Variants in TCF7L2 observed in about 807,000 individuals in gnomAD.
TCF7L2 encodes the protein transcription factor 7 like 2, also known as transcription factor 7-like 2.
In TCF7L2, 23 loss-of-function variants were observed where a neutral mutation model predicts 77.9. The ratio of observed to expected loss-of-function variants is 0.30; its 90% confidence interval spans 0.21 to 0.42. The LOEUF (loss-of-function observed/expected upper bound fraction) is 0.42, where lower values mean the gene tolerates loss of function less well. TCF7L2 is among the 10% of genes least tolerant of loss of function. The probability of loss-of-function intolerance (pLI) is 1.00; values close to 1 mark genes in which losing one functional copy is unlikely to be tolerated. For missense variants in TCF7L2, 654 were observed against 793.1 expected (o/e 0.82, Z 2.11); for synonymous variants, 413 against 340.2 (o/e 1.21, Z -2.36).
At chr10:113,150,686 A>G (rs2070567024) in intron 8 of TCF7L2, among the ~76,000 whole-genome samples, 1 of 152,220 alleles carries the variant, frequency 6.6e-6, no homozygotes, top group Non-Finnish European at 1.5e-5. Context: ...AAACAAGTGG[A>G]CGTGCGATTT....
At chr10:113,061,742 G>GT (rs2056479703) in intron 5 of TCF7L2, among the ~76,000 whole-genome samples, 1 of 152,280 alleles carries the variant, frequency 6.6e-6, no homozygotes, top group East Asian at 1.9e-4. Flanking sequence ...GAACTGTACA[G>GT]TTCACGTTCT....
At chr10:113,104,749 A>G (rs1485452851) in intron 5 of TCF7L2, among the ~76,000 whole-genome samples, 2 of 152,194 alleles carry the variant, frequency 1.3e-5, no homozygotes, top group East Asian at 3.9e-4. Context: ...CTGCTGTAAC[A>G]TCAGGTGACA....
At chr10:113,155,549 A>T (rs1410044891) in intron 11 of TCF7L2, among the ~76,000 whole-genome samples, 1 of 152,214 alleles carries the variant, frequency 6.6e-6, no homozygotes, top group Non-Finnish European at 1.5e-5. Context: ...AGTAGTCAAC[A>T]TCTCCGTGCT....
rs548891796 is a variant in TCF7L2 at position 113,071,273 on chromosome 10, G to A, written c.552+31147G>A. ...TAGTGGTAGAATGTTTGCTGGGTTAGCCCAGGACTTCAGATGGAGTGCTTC... is the reference window on the plus strand; with the variant it reads ...TAGTGGTAGAATGTTTGCTGGGTTAACCCAGGACTTCAGATGGAGTGCTTC... On this transcript the variant is annotated intron_variant, in intron 5 of 13. Coordinates refer to ENST00000627217, the MANE Select transcript of TCF7L2 (RefSeq NM_001146274.2). 2.7e-3 allele frequency among the ~76,000 whole-genome samples: 405 copies of A among 152,282 alleles called. 1 individual carries two copies. The highest frequency in any genetic ancestry group is 2.6e-3 in the Non-Finnish European group (178 of 68,026).
chr10:113,119,468 G>A (rs1026737513), intron 5 of TCF7L2, among the ~76,000 whole-genome samples: 6 of 152,172 alleles, frequency 3.9e-5, no homozygotes, highest in Non-Finnish European at 8.8e-5. Flanking sequence ...ACTAATATCG[G>A]TCAGGGTCAT....
intron 5 of TCF7L2, among the ~76,000 whole-genome samples, chr10:113,045,486 C>T (rs891969674): frequency 2.0e-5 from 3 of 152,086 alleles, no homozygotes; most frequent in African/African-American, 7.2e-5. Context: ...CAGCTGGGAG[C>T]CCTGGGACCC....
intron 5 of TCF7L2, among the ~76,000 whole-genome samples, chr10:113,045,764 AC>A (rs1049579537): frequency 1.3e-5 from 2 of 151,988 alleles, no homozygotes; most frequent in African/African-American, 4.8e-5. Flanking sequence ...CTGCATATAT[AC>A]TTTGTTTTTA....
In TCF7L2 at chr10:113,115,498, AT is replaced by A. The variant is rs538535120; in HGVS notation, c.553-25683del. Among the ~76,000 whole-genome samples, 542 of 152,274 alleles carry A rather than the reference AT, an allele frequency of 3.6e-3. 2 individuals are homozygous for A. Among genetic ancestry groups the A allele is most frequent in the African/African-American group, 0.013 (528 of 41,552 alleles). ...ATGACAAACCTCTCATTTGTTTGTCATTTAGCCAACATCCTGTGTTCAGGTT... is the reference window on the plus strand; with the variant it reads ...ATGACAAACCTCTCATTTGTTTGTCATTAGCCAACATCCTGTGTTCAGGTT... On this transcript the variant is annotated intron_variant, in intron 5 of 13. Transcript: ENST00000627217.
At chr10:113,099,089 C>T (rs1416233651) in intron 5 of TCF7L2, among the ~76,000 whole-genome samples, 1 of 152,162 alleles carries the variant, frequency 6.6e-6, no homozygotes, top group Non-Finnish European at 1.5e-5. Flanking sequence ...GTTGGATTTT[C>T]TATTCTTCAT....
In TCF7L2 at chr10:113,151,872, C is replaced by T. The variant is rs2137155367; in HGVS notation, c.1149C>T (p.Ile383=). Residue 383 remains isoleucine, a synonymous_variant, in exon 10 of 14, where the codon ATC becomes ATT. Transcript: ENST00000627217. The surrounding 1 kb of genome is among the most constrained non-coding windows in gnomAD (Gnocchi z 5.2). ...AAGAAAGCGCGGCCATCAACCAGATCCTTGGGCGGAGGGTAGGTGACGCCC... is the reference window on the plus strand; with the variant it reads ...AAGAAAGCGCGGCCATCAACCAGATTCTTGGGCGGAGGGTAGGTGACGCCC... 1.9e-6 allele frequency: 3 copies of T among 1,604,522 alleles called. No individual in the cohort carries two copies. The highest frequency in any genetic ancestry group is 8.5e-7 in the Non-Finnish European group (1 of 1,177,432).
intron 5 of TCF7L2, among the ~76,000 whole-genome samples, chr10:113,048,112 G>C (rs765953383): frequency 1.3e-5 from 2 of 152,134 alleles, no homozygotes; most frequent in East Asian, 3.9e-4. Flanking sequence ...TTCCCAGGAC[G>C]AGGGGCAAGA....
chr10:113,032,876 C>A (rs1590766119), intron 4 of TCF7L2, among the ~76,000 whole-genome samples: 2 of 152,288 alleles, frequency 1.3e-5, no homozygotes, highest in Middle Eastern at 6.8e-3. Context: ...GTGCTCTTTA[C>A]ATTGTTATGA....
At chr10:113,165,100 G>C (rs956519588) in intron 13 of TCF7L2, among the ~76,000 whole-genome samples, 4 of 152,012 alleles carry the variant, frequency 2.6e-5, no homozygotes, top group African/African-American at 9.7e-5. Context: ...TGGGGGATGG[G>C]GGTGGTAGTG....
chr10:113,019,163 C>T (rs1052973148), intron 4 of TCF7L2, among the ~76,000 whole-genome samples: 8 of 152,226 alleles, frequency 5.3e-5, no homozygotes, highest in East Asian at 1.9e-4. Flanking sequence ...ACAGGAATGT[C>T]GTGTGTCTTG....
chr10:113,166,059 G>A lies in TCF7L2; in HGVS notation c.*87G>A, dbSNP rs1592554595. 5 of 1,279,990 alleles carry A rather than the reference G, an allele frequency of 3.9e-6. No individual in the cohort carries two copies. The highest frequency in any genetic ancestry group is 2.2e-5 in the South Asian group (1 of 46,304). 79.3% of individuals were successfully genotyped at this position (1,279,990 alleles called of 1,614,324 possible). On this transcript the variant is annotated 3_prime_UTR_variant, in exon 14 of 14. Transcript: ENST00000627217. ...CCCCACCCCCACCTTGAAAGGTTTT[G>A]TTTTGTACTCTCTTAATTTTGTGCC...
At chr10:113,111,422 G>A (rs1364526996) in intron 5 of TCF7L2, among the ~76,000 whole-genome samples, 3 of 152,154 alleles carry the variant, frequency 2.0e-5, no homozygotes, top group African/African-American at 7.2e-5. Flanking sequence ...TGCACCTAAG[G>A]GAAGGATACC....
At chr10:112,959,278 T>G (rs1414831273) in intron 3 of TCF7L2, among the ~76,000 whole-genome samples, 2 of 152,204 alleles carry the variant, frequency 1.3e-5, no homozygotes, top group Non-Finnish European at 2.9e-5. Context: ...TTCCCCTTTT[T>G]TTCTTCTTAG....
At chr10:113,063,893 C>CGTGT (rs34087825) in intron 5 of TCF7L2, among the ~76,000 whole-genome samples, 44,195 of 146,902 alleles carry the variant, frequency 0.3, 7,296 homozygotes, top group East Asian at 0.53. Flanking sequence ...ATGGATGTGG[C>CGTGT]GTGTGTGTGT....
chr10:113,015,626 C>T (rs1481297331), intron 4 of TCF7L2, among the ~76,000 whole-genome samples: 1 of 152,066 alleles, frequency 6.6e-6, no homozygotes, highest in Non-Finnish European at 1.5e-5. Context: ...CAGGCATGCG[C>T]CACCACTCCT....
Sources: allele counts gnomAD v4.1 joint callset (sites outside exome capture counted in the v4.1 genomes callset), GRCh38; gene constraint gnomAD v4.1.1; non-coding constraint Gnocchi (gnomAD v3.1); transcripts MANE v1.5; gene names NCBI Gene and HGNC (gene_info 2026-07-23, HGNC 2026-07-21).